CALN1: variants seen among roughly 807,000 people sequenced by gnomAD.
The protein encoded by CALN1 is calneuron 1.
CALN1 carries 17 observed loss-of-function variants against 30.6 expected under a neutral mutation model. That is an observed-to-expected ratio of 0.56 (90% confidence interval 0.38 to 0.83). The LOEUF is 0.83. CALN1 is among the 40% of genes least tolerant of loss of function. The pLI, the probability that CALN1 is intolerant of heterozygous loss-of-function variation, is 0.00. For missense variants in CALN1, 291 were observed against 354.9 expected, an observed-to-expected ratio of 0.82 and a Z score of 1.45; for synonymous variants, 156 against 131.4, an observed-to-expected ratio of 1.19 and a Z score of -1.28.
At chr7:72,476,406 T>C in the CALN1 span, among the ~76,000 whole-genome samples, 8 of 152,170 alleles carry the variant, frequency 5.3e-5, no homozygotes, top group Non-Finnish European at 1.2e-4. Flanking sequence ...GGTAGGTCTT[T>C]ATTAGCATCA....
At chr7:71,839,497 A>G (rs899692462) in intron 5 of CALN1, among the ~76,000 whole-genome samples, 3 of 152,188 alleles carry the variant, frequency 2.0e-5, no homozygotes, top group Admixed American at 6.5e-5. Flanking sequence ...GCACCACTGC[A>G]CTCCAGCCTG....
chr7:71,891,276 G>A (rs879219285), intron 5 of CALN1, among the ~76,000 whole-genome samples: 1 of 152,090 alleles, frequency 6.6e-6, no homozygotes, highest in Non-Finnish European at 1.5e-5. Flanking sequence ...CCTAGAAATC[G>A]AACTATTAGT....
chr7:72,080,417 C>T lies in CALN1; in HGVS notation c.388+25734G>A, dbSNP rs76463232. Among the ~76,000 whole-genome samples the T allele has an allele frequency of 7.3e-3, 1,108 of 152,308 alleles. 20 individuals are homozygous for T. The highest frequency in any genetic ancestry group is 0.025 in the African/African-American group (1,032 of 41,554). On this transcript the variant is annotated intron_variant, in intron 4 of 6. Coordinates refer to ENST00000395275, the MANE Select transcript of CALN1 (RefSeq NM_031468.4). ...TTACTGCGTGCAGGCAGAACAGACC[C>T]GGACCTGGCAGGTAACACACAGAGG...
intron 3 of CALN1, among the ~76,000 whole-genome samples, chr7:72,188,238 A>G (rs1790344587): frequency 6.6e-6 from 1 of 152,190 alleles, no homozygotes; most frequent in Admixed American, 6.5e-5. Flanking sequence ...TCCATCAATC[A>G]ACAGGTGGAT....
Position 72,384,670 on chromosome 7 carries a change from G to A in CALN1, c.119+18581C>T, listed in dbSNP as rs1805102121. ...AGAAAAAAAAAAGTAAAAGCAAAAT[G>A]GATCATAGGCCTTAATGCAAAACAC... On this transcript the variant is annotated intron_variant, in intron 2 of 6. Transcript: ENST00000395275. Among the ~76,000 whole-genome samples the A allele has an allele frequency of 4.0e-5, 6 of 151,866 alleles. No homozygotes were observed. In the South Asian group the frequency reaches 1.2e-3, roughly 32 times the overall value.
chr7:71,932,634 A>C (rs1368134982), intron 5 of CALN1, among the ~76,000 whole-genome samples: 1 of 151,910 alleles, frequency 6.6e-6, no homozygotes, highest in Non-Finnish European at 1.5e-5. Context: ...TAACACGGTG[A>C]AACCCCGTCT....
intron 4 of CALN1, among the ~76,000 whole-genome samples, chr7:72,052,303 G>T (rs544051039): frequency 6.6e-6 from 1 of 152,158 alleles, no homozygotes; most frequent in Non-Finnish European, 1.5e-5. Context: ...CTGCCGTCCC[G>T]ACAAGTCGCC....
chr7:72,460,359 T>G, the CALN1 span, among the ~76,000 whole-genome samples: 3 of 152,058 alleles, frequency 2.0e-5, no homozygotes, highest in African/African-American at 7.2e-5. Context: ...TGGCCGGGTG[T>G]GGTGGCTCAT....
At chr7:72,374,561 A>G (rs1438034660) in intron 2 of CALN1, among the ~76,000 whole-genome samples, 4 of 151,606 alleles carry the variant, frequency 2.6e-5, no homozygotes, top group Admixed American at 2.0e-4. Flanking sequence ...AAAAAAAGAA[A>G]AAAAAAACAG....
At chr7:71,862,389 C>T (rs1232456481) in intron 5 of CALN1, among the ~76,000 whole-genome samples, 1 of 152,128 alleles carries the variant, frequency 6.6e-6, no homozygotes, top group Non-Finnish European at 1.5e-5. Flanking sequence ...GCAGGTCTTT[C>T]CCGTGCTGTT....
At chr7:72,221,496 T>G (rs1793300178) in intron 3 of CALN1, among the ~76,000 whole-genome samples, 1 of 151,990 alleles carries the variant, frequency 6.6e-6, no homozygotes, top group South Asian at 2.1e-4. Context: ...TTTTTTGTGT[T>G]AGGTCACAGC....
intron 3 of CALN1, among the ~76,000 whole-genome samples, chr7:72,277,642 A>C (rs1269875259): frequency 3.9e-5 from 6 of 152,178 alleles, no homozygotes; most frequent in Admixed American, 3.9e-4. Context: ...TGAGAGAAGG[A>C]GAAGCTATTC....
At chr7:72,371,912 G>A (rs528413340) in intron 2 of CALN1, among the ~76,000 whole-genome samples, 3 of 152,252 alleles carry the variant, frequency 2.0e-5, no homozygotes, top group Non-Finnish European at 2.9e-5. Flanking sequence ...GCAGCTATTC[G>A]AGAACTCTGA....
At chr7:72,316,502 A>T (rs1249620423) in intron 2 of CALN1, among the ~76,000 whole-genome samples, 2 of 152,134 alleles carry the variant, frequency 1.3e-5, no homozygotes, top group African/African-American at 4.8e-5. Flanking sequence ...ATCCACACAA[A>T]TGCAGACTCT....
intron 2 of CALN1, among the ~76,000 whole-genome samples, chr7:72,289,459 G>A (rs1340686375): frequency 6.6e-6 from 1 of 152,170 alleles, no homozygotes; most frequent in African/African-American, 2.4e-5. Context: ...TGAGGTGAAG[G>A]CAGTGATATA....
intron 3 of CALN1, among the ~76,000 whole-genome samples, chr7:72,132,655 A>G (rs1036601936): frequency 6.6e-6 from 1 of 152,220 alleles, no homozygotes; most frequent in Admixed American, 6.5e-5. Context: ...AGAAAAAATT[A>G]TATCAACATA....
intron 5 of CALN1, among the ~76,000 whole-genome samples, chr7:71,824,819 C>A (rs145691071): frequency 6.6e-6 from 1 of 152,144 alleles, no homozygotes; most frequent in Non-Finnish European, 1.5e-5. Context: ...AACTTCTTAA[C>A]CAGGGAGCAG....
At chr7:72,442,846 G>T (rs1008788583) in intron 1 of CALN1, among the ~76,000 whole-genome samples, 2 of 152,218 alleles carry the variant, frequency 1.3e-5, no homozygotes, top group Admixed American at 1.3e-4. Flanking sequence ...ATTTAGGATT[G>T]CACTTTATGT....
chr7:72,456,160 G>A, the CALN1 span, among the ~76,000 whole-genome samples: 1 of 148,714 alleles, frequency 6.7e-6, no homozygotes, highest in Non-Finnish European at 1.5e-5. Flanking sequence ...CTCCAGTCTG[G>A]CAACAGAGCG....
Sources: allele counts gnomAD v4.1 joint callset (sites outside exome capture counted in the v4.1 genomes callset), GRCh38; gene constraint gnomAD v4.1.1; transcripts MANE v1.5; gene names NCBI Gene and HGNC (gene_info 2026-07-23, HGNC 2026-07-21).